MCC: variants seen among roughly 807,000 people sequenced by gnomAD.
MCC encodes MCC regulator of Wnt signaling pathway.
In MCC, 90 loss-of-function variants were observed where a neutral mutation model predicts 116.2. The ratio of observed to expected loss-of-function variants is 0.77; its 90% CI spans 0.65 to 0.92. MCC has a LOEUF of 0.92. MCC is among the 40% of genes least tolerant of loss of function. The probability of loss-of-function intolerance (pLI) is 0.00; values close to 1 mark genes in which losing one functional copy is unlikely to be tolerated. For missense variants in MCC, 1,516 were observed against 1,312.2 expected (o/e 1.16, Z -2.40); for synonymous variants, 578 against 510.5 (o/e 1.13, Z -1.78).
At position 113,053,786 on chromosome 5, in the gene MCC, C is replaced by A. The variant is rs144555707; in HGVS notation, c.2387G>T (p.Gly796Val). Residue 796 changes from glycine to valine, a missense_variant, in exon 15 of 19, where the codon GGA becomes GTA. Coordinates refer to ENST00000408903, the MANE Select transcript of MCC (RefSeq NM_001085377.2). ...TTCCAGATCCAGCCTCTGGCTGTCTCCCCGAGGCTTGACGTCATAGCTGAG... is the reference window on the plus strand; with the variant it reads ...TTCCAGATCCAGCCTCTGGCTGTCTACCCGAGGCTTGACGTCATAGCTGAG... The part of the protein sequence containing the change: ...DPLSYDVKPR[G>V]DSQRLDLENA... 10 of 1,613,890 alleles carry A rather than the reference C, an allele frequency of 6.2e-6. No homozygotes were observed. The African/African-American group carries it at 1.1e-4, about 17-fold the overall frequency.
intron 1 of MCC, among the ~76,000 whole-genome samples, chr5:113,479,737 G>C (rs1772326211): frequency 6.6e-6 from 1 of 151,974 alleles, no homozygotes; most frequent in African/African-American, 2.4e-5. Context: ...GATTTTAATG[G>C]TTTTTCTTTT....
At chr5:113,481,255 G>A (rs1473496282) in intron 1 of MCC, among the ~76,000 whole-genome samples, 1 of 152,140 alleles carries the variant, frequency 6.6e-6, no homozygotes, top group Non-Finnish European at 1.5e-5. Flanking sequence ...CTTTCAGGAA[G>A]AATTTTAAAA....
chr5:113,166,894 G>A (rs1014571624), intron 3 of MCC, among the ~76,000 whole-genome samples: 2 of 152,126 alleles, frequency 1.3e-5, no homozygotes, highest in African/African-American at 4.8e-5. Flanking sequence ...TATGCAGCAA[G>A]AGATAATGGG....
chr5:113,339,963 C>T (rs1302371340), intron 3 of MCC, among the ~76,000 whole-genome samples: 1 of 152,250 alleles, frequency 6.6e-6, no homozygotes, highest in African/African-American at 2.4e-5. Flanking sequence ...TTTGGCAGCC[C>T]TGACTTAGAA....
chr5:113,392,149 T>G (rs1241421365), intron 1 of MCC, among the ~76,000 whole-genome samples: 1 of 151,844 alleles, frequency 6.6e-6, no homozygotes, highest in Non-Finnish European at 1.5e-5. Context: ...GAGGATGCCT[T>G]GAGGCCAGGA....
rs145075958 is a variant in MCC at position 113,043,533 on chromosome 5, C to T, written c.2753G>A (p.Arg918His). 36 of 1,613,684 alleles carry T rather than the reference C, an allele frequency of 2.2e-5. No individual in the cohort carries two copies. The highest frequency in any genetic ancestry group is 3.3e-4 in the Middle Eastern group (2 of 6,080). ...GGGGTGGGGAAAGGGTGCTTACCGA[C>T]GAATGGCGTTGGTGAACTCCGCAGC... ...ELAAEFTNAI[R>H]REKKLKARVQ... is the part of the protein sequence containing the mutation. Residue 918 changes from arginine (R) to histidine (H), a missense_variant, in exon 17 of 19, where the codon CGT (arginine) becomes CAT (histidine). By Grantham distance (29) the Arg-to-His change is conservative. Coordinates refer to ENST00000408903, the MANE Select transcript of MCC (RefSeq NM_001085377.2).
At chr5:113,408,079 C>A (rs953989642) in intron 1 of MCC, among the ~76,000 whole-genome samples, 14 of 152,100 alleles carry the variant, frequency 9.2e-5, no homozygotes, top group Admixed American at 2.0e-4. Flanking sequence ...CCTGATATAA[C>A]CCCAGCAAAC....
intron 17 of MCC, among the ~76,000 whole-genome samples, chr5:113,031,399 C>A (rs1383214150): frequency 1.3e-5 from 2 of 152,008 alleles, no homozygotes; most frequent in Non-Finnish European, 2.9e-5. Flanking sequence ...AGGGGGGCTC[C>A]TTTCCTCCCC....
At chr5:113,163,743 C>T (rs1362740984) in intron 3 of MCC, among the ~76,000 whole-genome samples, 1 of 152,178 alleles carries the variant, frequency 6.6e-6, no homozygotes, top group Non-Finnish European at 1.5e-5. Flanking sequence ...CCTCTTCCCA[C>T]CACCACTATG....
At chr5:113,331,671 T>C (rs1422953381) in intron 3 of MCC, among the ~76,000 whole-genome samples, 1 of 151,414 alleles carries the variant, frequency 6.6e-6, no homozygotes, top group East Asian at 1.9e-4. Flanking sequence ...AGTTTCACTC[T>C]ATTGCCCAGG....
chr5:113,246,500 T>G (rs1347144726), intron 3 of MCC, among the ~76,000 whole-genome samples: 1 of 152,190 alleles, frequency 6.6e-6, no homozygotes, highest in Non-Finnish European at 1.5e-5. Flanking sequence ...AGAGAAGGAA[T>G]GGCTTAATTT....
At chr5:113,422,349 G>C (rs374706136) in intron 1 of MCC, among the ~76,000 whole-genome samples, 58 of 152,150 alleles carry the variant, frequency 3.8e-4, no homozygotes, top group African/African-American at 1.3e-3. Context: ...AAAATAAATA[G>C]TAAGTGATGA....
At chr5:113,116,262 A>G (rs2150265578) in intron 6 of MCC, among the ~76,000 whole-genome samples, 1 of 152,318 alleles carries the variant, frequency 6.6e-6, no homozygotes, top group Non-Finnish European at 1.5e-5. Context: ...TCTGGCATCC[A>G]TATGTGATCT....
chr5:113,228,207 G>A (rs1418850759), intron 3 of MCC, among the ~76,000 whole-genome samples: 3 of 152,314 alleles, frequency 2.0e-5, no homozygotes, highest in South Asian at 2.1e-4. Context: ...ACCAAAATTC[G>A]TGTTGAGGCA....
intron 3 of MCC, among the ~76,000 whole-genome samples, chr5:113,304,391 C>G (rs1281430890): frequency 6.6e-6 from 1 of 152,198 alleles, no homozygotes; most frequent in Non-Finnish European, 1.5e-5. Context: ...AAATATAACT[C>G]AAGCAAAGAA....
Position 113,027,166 on chromosome 5 carries a change from C to T in MCC, c.*136G>A. 8 of 844,520 alleles carry T rather than the reference C, an allele frequency of 9.5e-6. No homozygotes were observed. Among genetic ancestry groups the T allele is most frequent in the Non-Finnish European group, 1.4e-5 (8 of 553,112 alleles). The allele number at this position is 844,520 out of a possible 1,614,324, so 52.3% of individuals were successfully genotyped here. A position where few individuals can be genotyped will look rare whatever the true frequency, so the allele number is the denominator to read the frequency against. On this transcript the variant is annotated 3_prime_UTR_variant, in exon 19 of 19. Coordinates refer to ENST00000408903, the MANE Select transcript of MCC (RefSeq NM_001085377.2). Reference sequence around the variant, plus strand: ...TCGCCCCAAGGGTTGAGTTGGGGCACTCCATTGTCCAAGTGCCGACCTACC... The same window carrying T: ...TCGCCCCAAGGGTTGAGTTGGGGCATTCCATTGTCCAAGTGCCGACCTACC...
rs1370317534 is a variant in MCC, at chr5:113,333,820, C to T, written c.627+6699G>A. 2.1e-3 allele frequency among the ~76,000 whole-genome samples: 179 copies of T among 85,522 alleles called. 13 individuals are homozygous for T. Among genetic ancestry groups the T allele is most frequent in the East Asian group, 0.02 (82 of 4,080 alleles). 56.1% of individuals were successfully genotyped at this position (85,522 alleles called of 152,430 possible). ...ATATATGTATATATGTATATATGTA[C>T]ATATATGTATATATGTATATATGTA... On this transcript the variant is annotated intron_variant, in intron 3 of 18. Transcript: ENST00000408903.
At chr5:113,134,257 A>G (rs904511622) in intron 5 of MCC, among the ~76,000 whole-genome samples, 11 of 152,160 alleles carry the variant, frequency 7.2e-5, no homozygotes, top group Non-Finnish European at 4.4e-5. Context: ...ATGGCGAGAG[A>G]TTGGTGTCTG....
At chr5:113,188,596 C>T (rs1762011441) in intron 3 of MCC, among the ~76,000 whole-genome samples, 1 of 152,150 alleles carries the variant, frequency 6.6e-6, no homozygotes, top group African/African-American at 2.4e-5. Context: ...GTTGAGGGCA[C>T]ACATGCTTTT....
Sources: allele counts gnomAD v4.1 joint callset (sites outside exome capture counted in the v4.1 genomes callset), GRCh38; gene constraint gnomAD v4.1.1; transcripts MANE v1.5; gene names NCBI Gene and HGNC (gene_info 2026-07-23, HGNC 2026-07-21).